The following TAFA2 variants were observed in gnomAD, a reference collection of about 807,000 sequenced individuals.
TAFA2 encodes chemokine-like protein TAFA-2.
A neutral mutation model predicts 18.8 loss-of-function variants in TAFA2; 7 were observed. The observed-to-expected ratio is 0.37, with a 90% CI of 0.21 to 0.70. The LOEUF is 0.70. Among genes scored for constraint, TAFA2 ranks in the 30% least tolerant of loss-of-function variants. The probability of loss-of-function intolerance (pLI) is 0.53; values close to 1 mark genes in which losing one functional copy is unlikely to be tolerated. For synonymous variants in TAFA2, 60 were observed against 54.2 expected (o/e 1.11, Z -0.47); for missense variants, 122 against 158.1 (o/e 0.77, Z 1.23).
Position 61,710,205 on chromosome 12 carries a change from A to C in TAFA2, c.*201T>G, listed in dbSNP as rs911435376. 3.6e-6 allele frequency: 2 copies of C among 550,726 alleles called. No homozygotes were observed. Among genetic ancestry groups the C allele is most frequent in the Non-Finnish European group, 6.5e-6 (2 of 306,768 alleles). 34.1% of individuals were successfully genotyped at this position (550,726 alleles called of 1,614,324 possible). A position where few individuals can be genotyped will look rare whatever the true frequency, so the allele number is the denominator to read the frequency against. ...TTGAACACAGTTCAAATCTGCTGAA[A>C]TCTTCATGACATGCAAGTTCATGTC... On this transcript the variant is annotated 3_prime_UTR_variant, in exon 5 of 5. Coordinates refer to ENST00000416284, the MANE Select transcript of TAFA2 (RefSeq NM_178539.5).
At chr12:61,898,058 G>T (rs1875931364) in intron 1 of TAFA2, among the ~76,000 whole-genome samples, 1 of 152,246 alleles carries the variant, frequency 6.6e-6, no homozygotes, top group African/African-American at 2.4e-5. Flanking sequence ...CAGCAGGACA[G>T]TCATCACATC....
At chr12:61,886,470 T>C (rs1592461164) in intron 1 of TAFA2, among the ~76,000 whole-genome samples, 1 of 152,172 alleles carries the variant, frequency 6.6e-6, no homozygotes, top group South Asian at 2.1e-4. Context: ...GATTTCCCAC[T>C]TGTATCCCTC....
At chr12:62,246,251 G>A (rs1316694088) in intron 1 of TAFA2, among the ~76,000 whole-genome samples, 2 of 152,164 alleles carry the variant, frequency 1.3e-5, no homozygotes, top group Non-Finnish European at 2.9e-5. Flanking sequence ...CTCCCAAAGT[G>A]CTGGGATTAC....
intron 1 of TAFA2, among the ~76,000 whole-genome samples, chr12:62,124,762 G>A (rs998371275): frequency 5.3e-5 from 8 of 152,046 alleles, no homozygotes; most frequent in Admixed American, 1.3e-4. Flanking sequence ...TTGCAGAATC[G>A]TCAAATACAC....
At chr12:61,834,811 C>T (rs1448076446) in intron 2 of TAFA2, among the ~76,000 whole-genome samples, 2 of 151,978 alleles carry the variant, frequency 1.3e-5, no homozygotes, top group Non-Finnish European at 2.9e-5. Flanking sequence ...AACCATTTAT[C>T]TTTAATATCA....
At chr12:62,101,410 T>C (rs923759412) in intron 1 of TAFA2, among the ~76,000 whole-genome samples, 6 of 152,152 alleles carry the variant, frequency 3.9e-5, no homozygotes, top group Admixed American at 6.5e-5. Flanking sequence ...AAATATACAC[T>C]GAATACACTT....
At chr12:62,073,094 G>A (rs1251253981) in intron 1 of TAFA2, among the ~76,000 whole-genome samples, 1 of 152,192 alleles carries the variant, frequency 6.6e-6, no homozygotes, top group African/African-American at 2.4e-5. Context: ...GCTTCTGATG[G>A]CAGGAAGTGC....
intron 4 of TAFA2, among the ~76,000 whole-genome samples, chr12:61,749,222 A>C (rs976970942): frequency 6.6e-6 from 1 of 152,090 alleles, no homozygotes; most frequent in Non-Finnish European, 1.5e-5. Flanking sequence ...GCAGTGAGCT[A>C]AGACTGTGCC....
intron 1 of TAFA2, among the ~76,000 whole-genome samples, chr12:62,242,749 T>C (rs1449899706): frequency 3.3e-5 from 5 of 152,218 alleles, no homozygotes; most frequent in Admixed American, 3.3e-4. Context: ...TGATTAAGTT[T>C]TTGAAAAGCG....
Position 62,067,198 on chromosome 12 carries a change from T to C in TAFA2, c.-2+124061A>G, listed in dbSNP as rs556733365. On this transcript the variant is annotated intron_variant, in intron 1 of 4. Coordinates refer to ENST00000416284, the MANE Select transcript of TAFA2 (RefSeq NM_178539.5). ...CCTATAGAGTTGTTTGAGCTATTTA[T>C]GTATTCTGGTTATTAATCCCTTGTC... 8.9e-4 allele frequency among the ~76,000 whole-genome samples: 136 copies of C among 152,220 alleles called. 1 individual carries two copies. Among genetic ancestry groups the C allele is most frequent in the Non-Finnish European group, 1.6e-3 (109 of 67,948 alleles).
At chr12:62,019,594 C>A (rs1296226303) in intron 1 of TAFA2, among the ~76,000 whole-genome samples, 1 of 149,822 alleles carries the variant, frequency 6.7e-6, no homozygotes, top group Non-Finnish European at 1.5e-5. Context: ...ACCGCGTGTT[C>A]TCACTCACAG....
intron 1 of TAFA2, among the ~76,000 whole-genome samples, chr12:61,912,075 T>C (rs1051020077): frequency 6.6e-6 from 1 of 152,232 alleles, no homozygotes; most frequent in Non-Finnish European, 1.5e-5. Flanking sequence ...ACATGTTTTA[T>C]GTCACTTAAA....
chr12:61,731,927 G>A (rs1041277266), intron 4 of TAFA2, among the ~76,000 whole-genome samples: 4 of 152,054 alleles, frequency 2.6e-5, no homozygotes, highest in African/African-American at 4.8e-5. Context: ...TAAGTGGGAG[G>A]CACTATCCTA....
intron 2 of TAFA2, among the ~76,000 whole-genome samples, chr12:61,757,902 C>T (rs1437738699): frequency 6.6e-6 from 1 of 151,978 alleles, no homozygotes; most frequent in African/African-American, 2.4e-5. Flanking sequence ...TACCTGGATT[C>T]GAATCTAAGT....
intron 1 of TAFA2, among the ~76,000 whole-genome samples, chr12:61,943,365 A>C (rs901167440): frequency 1.3e-5 from 2 of 151,506 alleles, no homozygotes; most frequent in African/African-American, 4.9e-5. Flanking sequence ...AAATGTAAAG[A>C]TCATCGAGAC....
At chr12:61,963,636 G>T (rs1878965675) in intron 1 of TAFA2, among the ~76,000 whole-genome samples, 1 of 151,802 alleles carries the variant, frequency 6.6e-6, no homozygotes, top group South Asian at 2.1e-4. Flanking sequence ...CTCCCATTCT[G>T]TAGATTGCCA....
At chr12:61,755,695 C>CAG (rs1394039009) in intron 2 of TAFA2, among the ~76,000 whole-genome samples, 3 of 152,048 alleles carry the variant, frequency 2.0e-5, no homozygotes, top group African/African-American at 7.2e-5. Context: ...ATCTGGCAGC[C>CAG]AATTGCCTGT....
At chr12:62,044,195 T>C (rs1190143750) in intron 1 of TAFA2, among the ~76,000 whole-genome samples, 1 of 151,968 alleles carries the variant, frequency 6.6e-6, no homozygotes, top group African/African-American at 2.4e-5. Context: ...GATTCCAAAA[T>C]CTCCTCTACT....
intron 1 of TAFA2, among the ~76,000 whole-genome samples, chr12:61,996,176 A>G (rs956758826): frequency 1.6e-4 from 24 of 152,198 alleles, no homozygotes; most frequent in African/African-American, 5.5e-4. Context: ...AACACTTGCT[A>G]TATACAGTGC....
Sources: allele counts gnomAD v4.1 joint callset (sites outside exome capture counted in the v4.1 genomes callset), GRCh38; gene constraint gnomAD v4.1.1; transcripts MANE v1.5; gene names NCBI Gene and HGNC (gene_info 2026-07-23, HGNC 2026-07-21).